PPIG: variants seen among roughly 807,000 people sequenced by gnomAD.
The protein encoded by PPIG is peptidylprolyl isomerase G, also known as peptidyl-prolyl cis-trans isomerase G.
In PPIG, 26 loss-of-function variants were observed where a neutral mutation model predicts 87.9. The observed-to-expected ratio is 0.30, with a 90% confidence interval of 0.22 to 0.41. The LOEUF (loss-of-function observed/expected upper bound fraction) is 0.41, where lower values mean the gene tolerates loss of function less well. Among genes scored for constraint, PPIG ranks in the 10% least tolerant of loss-of-function variants. PPIG has a pLI of 1.00. For missense variants in PPIG, 722 were observed against 879.4 expected (o/e 0.82, Z 2.26); for synonymous variants, 308 against 276.5 (o/e 1.11, Z -1.13).
At chr2:169,618,372 T>C (rs1166571581) in intron 9 of PPIG, among the ~76,000 whole-genome samples, 3 of 152,186 alleles carry the variant, frequency 2.0e-5, no homozygotes, top group Admixed American at 6.5e-5. Context: ...CCTCATAAAA[T>C]GAGTTAGGGA....
intron 1 of PPIG, among the ~76,000 whole-genome samples, chr2:169,591,205 C>T (rs1203005100): frequency 6.6e-6 from 1 of 152,058 alleles, no homozygotes; most frequent in African/African-American, 2.4e-5. Flanking sequence ...TTCATTTAGT[C>T]ATGTTATTTT....
At chr2:169,600,323 C>G (rs1175990782) in intron 1 of PPIG, among the ~76,000 whole-genome samples, 1 of 152,128 alleles carries the variant, frequency 6.6e-6, no homozygotes, top group Non-Finnish European at 1.5e-5. Context: ...AATCTGCCTG[C>G]TTCAGCCCCC....
chr2:169,624,204 GA>G (rs1454410056), intron 9 of PPIG, among the ~76,000 whole-genome samples: 1 of 152,120 alleles, frequency 6.6e-6, no homozygotes, highest in African/African-American at 2.4e-5. Flanking sequence ...TGGTTCAAGC[GA>G]TCCTTCTAAC....
Position 169,637,161 on chromosome 2 carries a change from G to A in PPIG, c.1903G>A (p.Glu635Lys). Residue 635 changes from glutamate (E) to lysine (K), a missense_variant, in exon 14 of 14, where the codon GAA becomes AAA. This residue lies in a region of PPIG where 476 missense variants were observed against 483.1 expected (regional missense o/e 0.99). Transcript: ENST00000260970. ...AGACTCACGGAGCTCAGAGAGAGAAGAAAGTCAAAGCAGAAACAAAGACAA... is the reference window on the plus strand; with the variant it reads ...AGACTCACGGAGCTCAGAGAGAGAAAAAAGTCAAAGCAGAAACAAAGACAA... ...RRDSRSSERE[E>K]SQSRNKDKYR... 1 of 1,612,716 alleles carries A rather than the reference G, an allele frequency of 6.2e-7. No individual in the cohort carries two copies.
intron 4 of PPIG, among the ~76,000 whole-genome samples, chr2:169,604,508 C>T (rs932005117): frequency 2.0e-5 from 3 of 151,810 alleles, no homozygotes; most frequent in African/African-American, 4.8e-5. Flanking sequence ...TAGATTTCTC[C>T]ATGCATATTA....
At chr2:169,590,635 T>TC (rs988445686) in intron 1 of PPIG, among the ~76,000 whole-genome samples, 9 of 151,760 alleles carry the variant, frequency 5.9e-5, no homozygotes, top group South Asian at 2.1e-4. Flanking sequence ...AGAGGGAGGC[T>TC]CCCTCTCAGA....
intron 1 of PPIG, among the ~76,000 whole-genome samples, chr2:169,598,843 G>GTATATAAATATAGGTAAATATATT (rs1559176624): frequency 2.7e-5 from 3 of 110,422 alleles, no homozygotes; most frequent in African/African-American, 1.1e-4. Flanking sequence ...ATATTTATAT[G>GTATATAAATATAGGTAAATATATT]TATATAAATA....
At chr2:169,604,306 T>TCTGG in intron 4 of PPIG, 45 bp downstream of exon 4, 1 of 919,040 alleles carries the variant, frequency 1.1e-6, no homozygotes, top group Non-Finnish European at 1.6e-6. Flanking sequence ...CTCAGTTGAC[T>TCTGG]ATGGCTTGCT....
chr2:169,595,200 G>A lies in PPIG; in HGVS notation c.-69-8442G>A, dbSNP rs373873048. 9.3e-4 allele frequency among the ~76,000 whole-genome samples: 141 copies of A among 152,300 alleles called. 1 individual carries two copies. The highest frequency in any genetic ancestry group is 3.2e-3 in the African/African-American group (132 of 41,558). On this transcript the variant is annotated intron_variant, in intron 1 of 13. Transcript: ENST00000260970. The stretch of plus-strand genomic sequence containing the variant: ...GCCTCAGAGTGCTGGGATTATAGGC[G>A]TGAGCCACTGCGCCTGGCCTATTCA...
chr2:169,610,261 A>G (rs1310056439), intron 7 of PPIG, among the ~76,000 whole-genome samples: 1 of 152,192 alleles, frequency 6.6e-6, no homozygotes, highest in Non-Finnish European at 1.5e-5. Flanking sequence ...AACAGTTGCC[A>G]TCCCATACTG....
rs555552509 is a variant in PPIG, at chr2:169,637,818, G to C, written c.*295G>C. On this transcript the variant is annotated 3_prime_UTR_variant, in exon 14 of 14. Transcript: ENST00000260970. The stretch of plus-strand genomic sequence containing the variant: ...ACTGTGTTGCAACAATTAGCCAATA[G>C]CATCCTAATTTGTTTAGTCAGCCAT... The C allele has an allele frequency of 4.9e-6, 1 of 205,124 alleles. No homozygotes were observed. Among genetic ancestry groups the C allele is most frequent in the Non-Finnish European group, 9.7e-6 (1 of 103,014 alleles). The allele number at this position is 205,124 out of a possible 1,614,324, so 12.7% of individuals were successfully genotyped here. A position where few individuals can be genotyped will look rare whatever the true frequency, so the allele number is the denominator to read the frequency against.
intron 1 of PPIG, among the ~76,000 whole-genome samples, chr2:169,589,543 T>TA (rs1559172776): frequency 6.6e-6 from 1 of 152,206 alleles, no homozygotes; most frequent in Non-Finnish European, 1.5e-5. Flanking sequence ...TGATTTCACT[T>TA]AAGAGGTGGA....
At position 169,639,688 on chromosome 2, in the gene PPIG, T is replaced by G. The variant is rs765237249; in HGVS notation, c.*2165T>G. Reference sequence around the variant, plus strand: ...TGAAGGAGTTGAGAGGACAATCAACTAGATTTTATTTTTAGAATATAAAGA... The same window carrying G: ...TGAAGGAGTTGAGAGGACAATCAACGAGATTTTATTTTTAGAATATAAAGA... On this transcript the variant is annotated 3_prime_UTR_variant, in exon 14 of 14. Transcript: ENST00000260970. 1.3e-5 allele frequency: 2 copies of G among 152,152 alleles called. No homozygotes were observed. Among genetic ancestry groups the G allele is most frequent in the African/African-American group, 2.4e-5 (1 of 41,456 alleles). The allele number at this position is 152,152 out of a possible 1,614,324, so 9.4% of individuals were successfully genotyped here.
intron 1 of PPIG, among the ~76,000 whole-genome samples, chr2:169,587,793 C>T (rs1046652761): frequency 2.0e-5 from 3 of 152,112 alleles, no homozygotes; most frequent in Admixed American, 6.5e-5. Context: ...AATGATCACA[C>T]GCTTACTGAA....
chr2:169,636,013 A>C, intron 12 of PPIG, 79 bp from the exon 13 acceptor site: 112 of 1,003,448 alleles, frequency 1.1e-4, no homozygotes, highest in Non-Finnish European at 1.5e-4. Context: ...TCACCCCAGT[A>C]CTTCCCTCCC....
chr2:169,636,143 G>C lies in PPIG; in HGVS notation c.1069G>C (p.Glu357Gln). ...ATCAAGGGATCGTTTCAGACGTAGT[G>C]AGACTCCTCCACATTGGAGGCAAGA... is the stretch of plus-strand genomic sequence containing the variant. The part of the protein sequence containing the change: ...SRSRDRFRRS[E>Q]TPPHWRQEMQ... Residue 357 changes from glutamate to glutamine, a missense_variant, in exon 13 of 14, where the codon GAG (glutamate) becomes CAG (glutamine). Around this residue, in one of 4 missense-constraint regions of PPIG, gnomAD observed 476 missense variants for 483.1 expected, o/e 0.99. Transcript: ENST00000260970. 6.2e-7 allele frequency: 1 copy of C among 1,612,186 alleles called. No homozygotes were observed. The highest frequency in any genetic ancestry group is 8.5e-7 in the Non-Finnish European group (1 of 1,179,256).
At chr2:169,588,223 C>T (rs1245066542) in intron 1 of PPIG, among the ~76,000 whole-genome samples, 1 of 151,890 alleles carries the variant, frequency 6.6e-6, no homozygotes, top group Non-Finnish European at 1.5e-5. Flanking sequence ...TAAAAATGAA[C>T]GAAGCATATT....
At chr2:169,603,392 C>A (rs191613998) in intron 1 of PPIG, among the ~76,000 whole-genome samples, 1 of 152,008 alleles carries the variant, frequency 6.6e-6, no homozygotes, top group Non-Finnish European at 1.5e-5. Flanking sequence ...TGTGTCTATA[C>A]CAGCATATCA....
rs1437754421 is a variant in PPIG at position 169,633,813 on chromosome 2, T to C, written c.1017+566T>C. ...CTTCATCTTACTTAATCTTGCTCCTTGTAATATTCTTTCCACCCCCCCCTT... is the reference window on the plus strand; with the variant it reads ...CTTCATCTTACTTAATCTTGCTCCTCGTAATATTCTTTCCACCCCCCCCTT... On this transcript the variant is annotated intron_variant, in intron 12 of 13. Coordinates refer to ENST00000260970, the MANE Select transcript of PPIG (RefSeq NM_004792.3). 4.8e-5 allele frequency among the ~76,000 whole-genome samples: 7 copies of C among 145,270 alleles called. No individual in the cohort carries two copies. The Admixed American group carries it at 4.8e-4, about 10-fold the overall frequency.
Sources: allele counts gnomAD v4.1 joint callset (sites outside exome capture counted in the v4.1 genomes callset), GRCh38; gene constraint gnomAD v4.1.1; regional missense constraint gnomAD v4.1.1; transcripts MANE v1.5; gene names NCBI Gene and HGNC (gene_info 2026-07-23, HGNC 2026-07-21).